The following PSD3 variants were observed in gnomAD, a reference collection of about 807,000 sequenced individuals.
PSD3 encodes PH and SEC7 domain-containing protein 3.
Under a neutral mutation model 105.5 loss-of-function variants are expected in PSD3, and 49 were observed. The observed-to-expected ratio is 0.46, with a 90% CI of 0.37 to 0.59. The LOEUF (loss-of-function observed/expected upper bound fraction) is 0.59. Ranked by LOEUF, PSD3 falls within the 20% of genes least tolerant of loss-of-function variation. The pLI is 0.00. For synonymous variants in PSD3, 557 were observed against 457.8 expected (o/e 1.22, Z -2.77); for missense variants, 1,561 against 1,263.8 (o/e 1.24, Z -3.57).
At chr8:19,072,824 C>T (rs1328720658) in intron 1 of PSD3, among the ~76,000 whole-genome samples, 1 of 152,162 alleles carries the variant, frequency 6.6e-6, no homozygotes, top group East Asian at 1.9e-4. Flanking sequence ...TCACATAATC[C>T]TTATTTTCCA....
At chr8:18,709,468 A>C (rs911685364) in intron 9 of PSD3, among the ~76,000 whole-genome samples, 2 of 152,208 alleles carry the variant, frequency 1.3e-5, no homozygotes, top group African/African-American at 4.8e-5. Flanking sequence ...CCCTCAGCCC[A>C]CTGCACCTGT....
At chr8:18,923,823 T>G (rs879180764) in intron 2 of PSD3, among the ~76,000 whole-genome samples, 1 of 151,848 alleles carries the variant, frequency 6.6e-6, no homozygotes, top group South Asian at 2.1e-4. Flanking sequence ...GTTCCAAAGC[T>G]GATTTGATCC....
intron 2 of PSD3, among the ~76,000 whole-genome samples, chr8:18,921,051 G>A (rs1166088407): frequency 6.6e-6 from 1 of 152,138 alleles, no homozygotes; most frequent in Admixed American, 6.6e-5. Context: ...TACATGAATG[G>A]AATGACAGTT....
intron 1 of PSD3, among the ~76,000 whole-genome samples, chr8:18,987,388 C>A (rs1373688978): frequency 6.6e-5 from 10 of 151,928 alleles, no homozygotes; most frequent in Non-Finnish European, 2.9e-5. Flanking sequence ...TCCAGGCTCA[C>A]GCCATTCTCC....
At chr8:18,826,268 G>A (rs140959106) in intron 4 of PSD3, among the ~76,000 whole-genome samples, 34 of 152,292 alleles carry the variant, frequency 2.2e-4, no homozygotes, top group African/African-American at 7.9e-4. Flanking sequence ...ATGGCCGATC[G>A]TGGGACTTCT....
intron 11 of PSD3, among the ~76,000 whole-genome samples, chr8:18,629,660 G>T (rs891166972): frequency 6.6e-6 from 1 of 151,844 alleles, no homozygotes; most frequent in African/African-American, 2.4e-5. Context: ...AAAGTATAGG[G>T]CCCAAAGACA....
intron 11 of PSD3, among the ~76,000 whole-genome samples, chr8:18,601,966 A>G (rs1804471621): frequency 6.6e-6 from 1 of 152,108 alleles, no homozygotes; most frequent in African/African-American, 2.4e-5. Context: ...CTGGTCTGAA[A>G]ACTATCCTCC....
chr8:18,541,566 G>T (rs1800150774), intron 15 of PSD3, among the ~76,000 whole-genome samples: 1 of 152,082 alleles, frequency 6.6e-6, no homozygotes, highest in Non-Finnish European at 1.5e-5. Flanking sequence ...ACAAAGGCTT[G>T]TCCACTTCCA....
chr8:18,717,586 G>A, intron 9 of PSD3, among the ~76,000 whole-genome samples: 1 of 151,828 alleles, frequency 6.6e-6, no homozygotes, highest in East Asian at 1.9e-4. Context: ...AAACAAATTT[G>A]TTATATTATA....
At chr8:18,858,817 T>A (rs1179457163) in intron 4 of PSD3, among the ~76,000 whole-genome samples, 7 of 152,208 alleles carry the variant, frequency 4.6e-5, no homozygotes, top group Admixed American at 4.6e-4. Flanking sequence ...TTCCACCACA[T>A]CTGCAGTTAT....
At chr8:18,799,044 G>A (rs1430512162) in intron 8 of PSD3, 4 of 407,876 alleles carry the variant, frequency 9.8e-6, no homozygotes, top group African/African-American at 6.2e-5. Flanking sequence ...ACTGGACAAA[G>A]AAGACACAGA....
intron 1 of PSD3, among the ~76,000 whole-genome samples, chr8:18,981,560 G>T (rs1825254527): frequency 6.6e-6 from 1 of 152,182 alleles, no homozygotes; most frequent in Non-Finnish European, 1.5e-5. Flanking sequence ...TTAAGATTCT[G>T]TATATACAGG....
At chr8:18,801,777 G>A (rs2129447404) in intron 6 of PSD3, among the ~76,000 whole-genome samples, 1 of 152,102 alleles carries the variant, frequency 6.6e-6, no homozygotes, top group Admixed American at 6.5e-5. Context: ...GCAGTAAGCT[G>A]AGGTCGCGCC....
rs575493399 is a variant in PSD3, at chr8:18,787,723, CT to C, written c.2082+11571del. Reference sequence around the variant, plus strand: ...TTCTTATGATAAAAAGATGTTTTCTCTGTTTGTGTTCGTTTAAAGATACATT... The same window carrying C: ...TTCTTATGATAAAAAGATGTTTTCTCGTTTGTGTTCGTTTAAAGATACATT... On this transcript the variant is annotated intron_variant, in intron 8 of 15. Coordinates refer to ENST00000327040, the MANE Select transcript of PSD3 (RefSeq NM_015310.4). Among the ~76,000 whole-genome samples, 609 of 152,284 alleles carry C rather than the reference CT, an allele frequency of 4.0e-3. 18 individuals are homozygous for C. The highest frequency in any genetic ancestry group is 0.035 in the Admixed American group (532 of 15,286).
intron 2 of PSD3, among the ~76,000 whole-genome samples, chr8:18,915,755 G>A (rs1820540972): frequency 6.6e-6 from 1 of 152,100 alleles, no homozygotes; most frequent in African/African-American, 2.4e-5. Flanking sequence ...GGGAAGAAGG[G>A]GAACTGTGTA....
At chr8:18,797,855 T>G (rs1810324379) in intron 8 of PSD3, among the ~76,000 whole-genome samples, 3 of 152,118 alleles carry the variant, frequency 2.0e-5, no homozygotes, top group African/African-American at 7.2e-5. Context: ...TGATGGAACC[T>G]CAAAATATCT....
At position 18,673,259 on chromosome 8, in the gene PSD3, A is replaced by C. The variant is rs555106384; in HGVS notation, c.2173-17574T>G. Among the ~76,000 whole-genome samples, 181 of 152,132 alleles carry C rather than the reference A, an allele frequency of 1.2e-3. 1 individual carries two copies. The highest frequency in any genetic ancestry group is 4.0e-3 in the African/African-American group (165 of 41,510). On this transcript the variant is annotated intron_variant, in intron 9 of 15. Coordinates refer to ENST00000327040, the MANE Select transcript of PSD3 (RefSeq NM_015310.4). The stretch of plus-strand genomic sequence containing the variant: ...CCCGTCTCTTTCTTTCCACTCCCAT[A>C]TTAAAATCATACCACAGTCACAATT...
chr8:18,613,415 T>A (rs1805420075), intron 11 of PSD3, among the ~76,000 whole-genome samples: 2 of 152,172 alleles, frequency 1.3e-5, no homozygotes, highest in South Asian at 4.1e-4. Flanking sequence ...GAGAGCCTGT[T>A]AGCAGGACTC....
chr8:18,530,761 A>T lies in PSD3; in HGVS notation c.*4982T>A, dbSNP rs1453691956. 1 of 151,424 alleles carries T rather than the reference A, an allele frequency of 6.6e-6. No homozygotes were observed. 9.4% of individuals were successfully genotyped at this position (151,424 alleles called of 1,614,324 possible). On this transcript the variant is annotated 3_prime_UTR_variant, in exon 16 of 16. Transcript: ENST00000327040. ...ATGCCCTTGGTATTGCACACAGTAC[A>T]CTGCAAAAGATTCACAAGGTTAGTT...
Sources: allele counts gnomAD v4.1 joint callset (sites outside exome capture counted in the v4.1 genomes callset), GRCh38; gene constraint gnomAD v4.1.1; transcripts MANE v1.5; gene names NCBI Gene and HGNC (gene_info 2026-07-23, HGNC 2026-07-21).